SMARCA5: variants seen among roughly 807,000 people sequenced by gnomAD.
The protein encoded by SMARCA5 is SWI/SNF-related matrix-associated actin-dependent regulator of chromatin subfamily A member 5.
SMARCA5 carries 18 observed loss-of-function variants against 140.4 expected under a neutral mutation model. That is an observed-to-expected ratio of 0.13 (90% CI 0.09 to 0.19). The LOEUF (loss-of-function observed/expected upper bound fraction) is 0.19. SMARCA5 is among the 10% of genes least tolerant of loss of function. SMARCA5 has a pLI of 1.00. For synonymous variants in SMARCA5, 449 were observed against 419.6 expected (o/e 1.07, Z -0.86); for missense variants, 606 against 1,276.8 (o/e 0.47, Z 8.01).
rs1182935614 is a variant in SMARCA5, at chr4:143,554,280, G to A, written c.*1096G>A. The A allele has an allele frequency of 6.6e-6, 1 of 152,090 alleles. No homozygotes were observed. The highest frequency in any genetic ancestry group is 1.5e-5 in the Non-Finnish European group (1 of 68,006). The allele number at this position is 152,090 out of a possible 1,614,324, so 9.4% of individuals were successfully genotyped here. ...ACATAATTTGTATAAAATTTTATAT[G>A]TGCAGATTGGGTACATAAACAGTTC... On this transcript the variant is annotated 3_prime_UTR_variant, in exon 24 of 24. Coordinates refer to ENST00000283131, the MANE Select transcript of SMARCA5 (RefSeq NM_003601.4).
intron 18 of SMARCA5, 67 bp from the exon 19 acceptor site, chr4:143,545,858 A>C: frequency 3.7e-6 from 5 of 1,363,194 alleles, no homozygotes; most frequent in Non-Finnish European, 5.1e-6. Context: ...GTGAAATGTC[A>C]GTTAGTTGGT....
intron 9 of SMARCA5, among the ~76,000 whole-genome samples, chr4:143,530,894 A>G (rs187852408): frequency 5.2e-4 from 79 of 152,278 alleles, no homozygotes; most frequent in African/African-American, 1.8e-3. Flanking sequence ...GGCTCACTGA[A>G]ACCTCTGCCT....
At chr4:143,544,945 TTC>T (rs372628611) in intron 17 of SMARCA5, 98 bp downstream of exon 17, 38 of 561,718 alleles carry the variant, frequency 6.8e-5, no homozygotes, top group Admixed American at 1.9e-4. Flanking sequence ...GATTTTGTGT[TTC>T]TTTTTTTTTT....
chr4:143,517,230 T>C (rs1353351937), intron 1 of SMARCA5, 125 bp from the exon 2 acceptor site: 10 of 612,800 alleles, frequency 1.6e-5, no homozygotes, highest in Non-Finnish European at 2.6e-5. Context: ...GACAGCTGTT[T>C]AAGTTTCTAG....
intron 11 of SMARCA5, among the ~76,000 whole-genome samples, chr4:143,537,086 A>G (rs1737322862): frequency 6.6e-6 from 1 of 152,210 alleles, no homozygotes; most frequent in Non-Finnish European, 1.5e-5. Context: ...TACCATGTAC[A>G]TGGACCTGAA....
intron 14 of SMARCA5, among the ~76,000 whole-genome samples, chr4:143,540,870 T>C (rs1474633575): frequency 6.6e-6 from 1 of 152,216 alleles, no homozygotes; most frequent in Non-Finnish European, 1.5e-5. Context: ...TACTAACTAC[T>C]CTTGATTACT....
chr4:143,551,552 CA>C (rs1737640786), intron 23 of SMARCA5, among the ~76,000 whole-genome samples: 1 of 152,074 alleles, frequency 6.6e-6, no homozygotes, highest in Non-Finnish European at 1.5e-5. Context: ...GTCTTTAATA[CA>C]TTTTGATTTG....
intron 12 of SMARCA5, 26 bp downstream of exon 12, chr4:143,538,737 A>G: frequency 6.2e-7 from 1 of 1,613,630 alleles, no homozygotes; most frequent in Non-Finnish European, 8.5e-7. Context: ...GGAGGGAGAT[A>G]AAAAAGAATC....
At chr4:143,538,745 A>C (rs772700939) in intron 12 of SMARCA5, 34 bp downstream of exon 12, 1 of 1,613,550 alleles carries the variant, frequency 6.2e-7, no homozygotes, top group Admixed American at 1.7e-5. Context: ...ATAAAAAAGA[A>C]TCAGATAAAT....
intron 22 of SMARCA5, among the ~76,000 whole-genome samples, chr4:143,548,580 C>T (rs1233346790): frequency 2.0e-5 from 3 of 151,962 alleles, no homozygotes; most frequent in Admixed American, 6.6e-5. Context: ...TGATTTAGTG[C>T]TAGGTTTTGT....
intron 23 of SMARCA5, among the ~76,000 whole-genome samples, chr4:143,552,392 C>T (rs1401882789): frequency 6.6e-6 from 1 of 151,974 alleles, no homozygotes; most frequent in Non-Finnish European, 1.5e-5. Flanking sequence ...TTCTTTCTCT[C>T]GTCTGATTGC....
Position 143,554,945 on chromosome 4 carries a change from CT to C in SMARCA5, c.*1763del. ...TGGAAACTGTGTGAAGGGAAACTCA[CT>C]TGAAAAAAAAGCATGAACCAGCTAG... On this transcript the variant is annotated 3_prime_UTR_variant, in exon 24 of 24. Transcript: ENST00000283131. 1 of 391,778 alleles carries C rather than the reference CT, an allele frequency of 2.6e-6. No homozygotes were observed. Among genetic ancestry groups the C allele is most frequent in the Non-Finnish European group, 4.8e-6 (1 of 206,568 alleles). 24.3% of individuals were successfully genotyped at this position (391,778 alleles called of 1,614,324 possible).
intron 13 of SMARCA5, 63 bp from the exon 14 acceptor site, chr4:143,540,300 C>A: frequency 1.5e-6 from 2 of 1,301,020 alleles, no homozygotes; most frequent in East Asian, 2.5e-5. Flanking sequence ...CTCAGTGTAC[C>A]CATTTCAGTG....
chr4:143,544,863 C>A lies in SMARCA5; in HGVS notation c.2283+16C>A. On this transcript the variant is annotated intron_variant, in intron 17 of 23. Coordinates refer to ENST00000283131, the MANE Select transcript of SMARCA5 (RefSeq NM_003601.4). ...AGCACCCAAGGTGAGTTGACTGACACAGCATAAAAATATCTAAAAATTTTG... is the reference window on the plus strand; with the variant it reads ...AGCACCCAAGGTGAGTTGACTGACAAAGCATAAAAATATCTAAAAATTTTG... 1.5e-6 allele frequency: 2 copies of A among 1,340,810 alleles called. No individual in the cohort carries two copies. Among genetic ancestry groups the A allele is most frequent in the Non-Finnish European group, 2.1e-6 (2 of 947,556 alleles). 83.1% of individuals were successfully genotyped at this position (1,340,810 alleles called of 1,614,324 possible). A position where few individuals can be genotyped will look rare whatever the true frequency, so the allele number is the denominator to read the frequency against.
chr4:143,520,448 A>G (rs1228501023), intron 2 of SMARCA5, among the ~76,000 whole-genome samples: 1 of 152,206 alleles, frequency 6.6e-6, no homozygotes, highest in Non-Finnish European at 1.5e-5. Context: ...CCAATGAAAC[A>G]CTATAACCAT....
intron 16 of SMARCA5, 50 bp from the exon 17 acceptor site, chr4:143,544,687 T>C: frequency 2.1e-6 from 2 of 973,618 alleles, no homozygotes; most frequent in Non-Finnish European, 3.3e-6. Context: ...TGATGATTTG[T>C]TACTGTGTAT....
rs1737691858 is a variant in SMARCA5 at position 143,553,736 on chromosome 4, TTC to T, written c.*554_*555del. On this transcript the variant is annotated 3_prime_UTR_variant, in exon 24 of 24. Coordinates refer to ENST00000283131, the MANE Select transcript of SMARCA5 (RefSeq NM_003601.4). ...AAGTATACTTAAATTCTATGCATAT[TTC>T]TGTTATGCTTTCTGTTTTTTTTAGT... The T allele has an allele frequency of 2.0e-5, 3 of 152,242 alleles. No individual in the cohort carries two copies. Among genetic ancestry groups the T allele is most frequent in the Admixed American group, 2.0e-4 (3 of 15,292 alleles). The allele number at this position is 152,242 out of a possible 1,614,324, so 9.4% of individuals were successfully genotyped here. A position where few individuals can be genotyped will look rare whatever the true frequency, so the allele number is the denominator to read the frequency against.
chr4:143,555,407 C>T lies in SMARCA5; in HGVS notation c.*2223C>T. 1 of 660,080 alleles carries T rather than the reference C, an allele frequency of 1.5e-6. No individual in the cohort carries two copies. Among genetic ancestry groups the T allele is most frequent in the Non-Finnish European group, 2.8e-6 (1 of 355,096 alleles). The allele number at this position is 660,080 out of a possible 1,614,324, so 40.9% of individuals were successfully genotyped here. On this transcript the variant is annotated 3_prime_UTR_variant, in exon 24 of 24. Coordinates refer to ENST00000283131, the MANE Select transcript of SMARCA5 (RefSeq NM_003601.4). ...GCTGCCACCAAAGCCACCACGATCA[C>T]AGAACTTGATGACTGTATTTGTGAC...
intron 14 of SMARCA5, among the ~76,000 whole-genome samples, chr4:143,542,292 G>A (rs17017856): frequency 0.54 from 81,920 of 151,962 alleles, 22,402 homozygotes; most frequent in Middle Eastern, 0.65. Flanking sequence ...TTCTTGTGCC[G>A]TTTGTAGACA....
Sources: gnomAD v4.1 joint callset for allele counts (sites outside exome capture counted in the v4.1 genomes callset) on GRCh38, gnomAD v4.1.1 for gene constraint, MANE v1.5 for transcripts, NCBI Gene and HGNC (gene_info 2026-07-23, HGNC 2026-07-21) for gene names.